The following HMGXB3 variants were observed in gnomAD, a reference collection of about 807,000 sequenced individuals.
HMGXB3 encodes HMG domain-containing protein 3.
HMGXB3 carries 45 observed loss-of-function variants against 121.5 expected under a neutral mutation model. That is an observed-to-expected ratio of 0.37 (90% CI 0.29 to 0.47). HMGXB3 has a LOEUF of 0.47. HMGXB3 is among the 20% of genes least tolerant of loss of function. HMGXB3 has a pLI of 0.99. For missense variants in HMGXB3, 1,376 were observed against 1,602.2 expected (o/e 0.86, Z 2.41); for synonymous variants, 590 against 624.1 (o/e 0.95, Z 0.81).
At chr5:150,029,458 A>C (rs1756322138) in intron 9 of HMGXB3, among the ~76,000 whole-genome samples, 2 of 152,074 alleles carry the variant, frequency 1.3e-5, no homozygotes, top group Non-Finnish European at 2.9e-5. Flanking sequence ...AGGATCTCTC[A>C]AAATTTCCTA....
Position 150,036,808 on chromosome 5 carries a change from C to T in HMGXB3, c.2156C>T (p.Ser719Phe). 1.9e-6 allele frequency: 3 copies of T among 1,551,730 alleles called. No homozygotes were observed. The highest frequency in any genetic ancestry group is 2.6e-6 in the Non-Finnish European group (3 of 1,147,016). ...VFALIHELNS[S>F]RLILSNVSEE... ...GCCTTGATTCATGAACTCAACAGCT[C>T]TCGACTTATCTTGTCCAACGTGAGT... Residue 719 changes from serine (S) to phenylalanine (F), a missense_variant, in exon 12 of 20, where the codon TCT becomes TTT. Physicochemically the swap from Ser to Phe is radical, Grantham distance 155. Transcript: ENST00000502717.
intron 11 of HMGXB3, 79 bp downstream of exon 11, chr5:150,032,682 A>AT (rs34730349): frequency 5.4e-6 from 8 of 1,479,818 alleles, no homozygotes; most frequent in Non-Finnish European, 7.3e-6. Flanking sequence ...AAATAAGAAG[A>AT]TTTTTAAAGT....
At chr5:150,050,137 G>A (rs56393772) in intron 18 of HMGXB3, 115 bp from the exon 19 acceptor site, 9 of 886,668 alleles carry the variant, frequency 1.0e-5, no homozygotes, top group African/African-American at 5.0e-5. Flanking sequence ...GATGGCCATG[G>A]CTTCGGCCCT....
chr5:150,030,896 T>C (rs1210908338), intron 10 of HMGXB3, 57 bp downstream of exon 10: 2 of 1,323,884 alleles, frequency 1.5e-6, no homozygotes, highest in Admixed American at 4.0e-5. Flanking sequence ...GATTTTGTGG[T>C]TGAAGGTCAG....
chr5:150,009,062 T>A (rs116351976), intron 3 of HMGXB3, among the ~76,000 whole-genome samples: 2,101 of 152,346 alleles, frequency 0.014, 21 homozygotes, highest in Non-Finnish European at 0.021. Flanking sequence ...TGTTTAATTT[T>A]AGGTCTCATT....
At chr5:150,036,069 T>C (rs780028212) in intron 11 of HMGXB3, among the ~76,000 whole-genome samples, 44 of 152,192 alleles carry the variant, frequency 2.9e-4, no homozygotes, top group Non-Finnish European at 5.9e-4. Context: ...AAAGATTAAG[T>C]AAATTGCCTT....
In HMGXB3 at chr5:150,030,902, G is replaced by T; in HGVS notation, c.1833+63G>T. ...GGTTGTTTTGATTTTGTGGTTGAAGGTCAGTAGGAGGCTGGGGGAGAGGGT... is the reference window on the plus strand; with the variant it reads ...GGTTGTTTTGATTTTGTGGTTGAAGTTCAGTAGGAGGCTGGGGGAGAGGGT... On this transcript the variant is annotated intron_variant, in intron 10 of 19. Transcript: ENST00000502717. 2.5e-6 allele frequency: 3 copies of T among 1,199,468 alleles called. 1 individual carries two copies. The allele number at this position is 1,199,468 out of a possible 1,614,324, so 74.3% of individuals were successfully genotyped here.
In HMGXB3 at chr5:150,032,088, TTTGTCTTCAGGCAGGGCTTGAAC is replaced by T. The variant is rs541498238; in HGVS notation, c.1834-364_1834-342del. On this transcript the variant is annotated intron_variant, in intron 10 of 19. Coordinates refer to ENST00000502717, the MANE Select transcript of HMGXB3 (RefSeq NM_014983.3). ...AGCTTTAATAGTCTGTAAGTCACAG[TTTGTCTTCAGGCAGGGCTTGAAC>T]TCTTTAGTTCACCAGTCTCAAGCAC... 6.4e-3 allele frequency among the ~76,000 whole-genome samples: 969 copies of T among 152,270 alleles called. 5 individuals carry two copies. The highest frequency in any genetic ancestry group is 0.022 in the African/African-American group (902 of 41,520).
At chr5:150,021,958 C>T (rs751164711) in intron 6 of HMGXB3, 3 of 447,560 alleles carry the variant, frequency 6.7e-6, no homozygotes, top group East Asian at 1.2e-4. Context: ...TGTTCCTTGG[C>T]GAGAGAGAAC....
Position 150,030,737 on chromosome 5 carries a change from A to G in HMGXB3, c.1735-4A>G. Reference sequence around the variant, plus strand: ...AGCACTAAATAATTTGTTCTGATCCACAGCTACCAAGTGGCCCATCCAACA... The same window carrying G: ...AGCACTAAATAATTTGTTCTGATCCGCAGCTACCAAGTGGCCCATCCAACA... On this transcript the variant is annotated splice_polypyrimidine_tract_variant and splice_region_variant and intron_variant, in intron 9 of 19. Transcript: ENST00000502717. The G allele has an allele frequency of 1.3e-6, 2 of 1,551,076 alleles. No individual in the cohort carries two copies. Among genetic ancestry groups the G allele is most frequent in the African/African-American group, 2.7e-5 (2 of 73,154 alleles).
chr5:150,001,488 A>G (rs1179594676), intron 1 of HMGXB3, among the ~76,000 whole-genome samples: 6 of 152,206 alleles, frequency 3.9e-5, no homozygotes, highest in Non-Finnish European at 8.8e-5. Context: ...CTGATGGGAC[A>G]GAGAAAGTGT....
rs1256600021 is a variant in HMGXB3, at chr5:150,010,745, A to G, written c.810+137A>G. ...ACTTACTGATACTGCAGTTCTCTTG[A>G]ATGTGTCTTGCCCCTGGGCTCACTC... On this transcript the variant is annotated intron_variant, in intron 4 of 19. Transcript: ENST00000502717. 25 of 876,222 alleles carry G rather than the reference A, an allele frequency of 2.9e-5. No homozygotes were observed. The Admixed American group carries it at 7.0e-4, about 24-fold the overall frequency. The allele number at this position is 876,222 out of a possible 1,614,324, so 54.3% of individuals were successfully genotyped here.
At chr5:150,018,473 C>A in intron 5 of HMGXB3, 93 bp from the exon 6 acceptor site, 1 of 1,085,006 alleles carries the variant, frequency 9.2e-7, no homozygotes, top group Non-Finnish European at 1.2e-6. Context: ...TATCTTTCCA[C>A]AAGCTTGTGA....
chr5:150,018,786 A>C (rs1191009170), intron 6 of HMGXB3, 89 bp downstream of exon 6: 4 of 1,283,912 alleles, frequency 3.1e-6, no homozygotes, highest in Non-Finnish European at 4.2e-6. Flanking sequence ...TAAAAAGTTA[A>C]CATTTGTTTT....
chr5:150,006,380 G>A (rs1755701249), intron 2 of HMGXB3, 93 bp from the exon 3 acceptor site: 2 of 1,094,030 alleles, frequency 1.8e-6, no homozygotes, highest in Admixed American at 4.8e-5. Flanking sequence ...GTTGAATGAA[G>A]TCCTGGGTCG....
chr5:150,033,062 G>A (rs1430318855), intron 11 of HMGXB3, among the ~76,000 whole-genome samples: 1 of 152,178 alleles, frequency 6.6e-6, no homozygotes, highest in African/African-American at 2.4e-5. Context: ...ATTTCTAGCA[G>A]TCTAGGCAGC....
intron 15 of HMGXB3, 39 bp downstream of exon 15, chr5:150,042,008 T>A: frequency 6.6e-7 from 1 of 1,521,454 alleles, no homozygotes. Context: ...CCTGCGGAAT[T>A]TTCTCATTTT....
intron 18 of HMGXB3, among the ~76,000 whole-genome samples, chr5:150,049,550 A>G (rs923228683): frequency 6.6e-6 from 1 of 152,200 alleles, no homozygotes; most frequent in African/African-American, 2.4e-5. Flanking sequence ...TGTCTGAAGG[A>G]GATGCTTAAT....
intron 6 of HMGXB3, among the ~76,000 whole-genome samples, chr5:150,022,817 C>CTTT (rs11388244): frequency 1.3e-4 from 16 of 119,908 alleles, no homozygotes; most frequent in South Asian, 2.9e-4. Flanking sequence ...GTTACTGGCT[C>CTTT]TTTTTTTTTT....
Sources: gnomAD v4.1 joint callset for allele counts (sites outside exome capture counted in the v4.1 genomes callset) on GRCh38, gnomAD v4.1.1 for gene constraint, MANE v1.5 for transcripts, NCBI Gene and HGNC (gene_info 2026-07-23, HGNC 2026-07-21) for gene names.